The following NRXN1 variants were observed in gnomAD, a reference collection of about 807,000 sequenced individuals.
NRXN1 encodes neurexin 1.
In NRXN1, 39 loss-of-function variants were observed where a neutral mutation model predicts 150.9. That is an observed-to-expected ratio of 0.26 (90% CI 0.20 to 0.34). The LOEUF is 0.34. Ranked by LOEUF, NRXN1 falls within the 10% of genes least tolerant of loss-of-function variation. NRXN1 has a pLI of 1.00. For missense variants in NRXN1, 1,815 were observed against 1,949.9 expected (o/e 0.93, Z 1.30); for synonymous variants, 924 against 757.0 (o/e 1.22, Z -3.62).
At chr2:50,236,552 A>C (rs1468565756) in intron 18 of NRXN1, among the ~76,000 whole-genome samples, 1 of 149,100 alleles carries the variant, frequency 6.7e-6, no homozygotes, top group Non-Finnish European at 1.5e-5. Flanking sequence ...TATTTTGAAC[A>C]CAGAATTAAG....
intron 5 of NRXN1, among the ~76,000 whole-genome samples, chr2:50,801,020 T>C (rs922526841): frequency 1.3e-5 from 2 of 152,190 alleles, no homozygotes; most frequent in Non-Finnish European, 2.9e-5. Flanking sequence ...TTGAATGACT[T>C]CTATTAAACT....
chr2:50,618,531 G>A (rs528611632), intron 8 of NRXN1, among the ~76,000 whole-genome samples: 2 of 151,870 alleles, frequency 1.3e-5, no homozygotes, highest in African/African-American at 4.8e-5. Flanking sequence ...TTGCAAAAGG[G>A]CTCTTAACTA....
chr2:50,787,874 C>G (rs1224077017), intron 5 of NRXN1, among the ~76,000 whole-genome samples: 2 of 151,932 alleles, frequency 1.3e-5, no homozygotes, highest in Non-Finnish European at 2.9e-5. Context: ...ATTGCCAATT[C>G]TTCCATCTAA....
chr2:50,454,365 A>T (rs946851788), intron 17 of NRXN1, among the ~76,000 whole-genome samples: 2 of 152,028 alleles, frequency 1.3e-5, no homozygotes, highest in African/African-American at 2.4e-5. Context: ...TTAATATGAT[A>T]ATATACAAAT....
rs10706818 is a variant in NRXN1, at chr2:50,517,413, CTT to C, written c.2375-10798_2375-10797del. Among the ~76,000 whole-genome samples the C allele has an allele frequency of 7.0e-4, 107 of 151,912 alleles. 1 individual carries two copies. The highest frequency in any genetic ancestry group is 2.5e-3 in the African/African-American group (104 of 41,430). On this transcript the variant is annotated intron_variant, in intron 12 of 22. Transcript: ENST00000401669. ...GTTTATTTGTGTAAACTTTGTGGGA[CTT>C]TTTTTTAAATGGTAGATGAAATACC...
intron 5 of NRXN1, among the ~76,000 whole-genome samples, chr2:50,915,727 A>G (rs963648004): frequency 2.0e-5 from 3 of 151,362 alleles, no homozygotes; most frequent in East Asian, 2.0e-4. Flanking sequence ...TTGGCAGATT[A>G]CAGATCAATC....
At chr2:50,574,447 C>A (rs937882991) in intron 8 of NRXN1, among the ~76,000 whole-genome samples, 4 of 152,094 alleles carry the variant, frequency 2.6e-5, no homozygotes, top group Non-Finnish European at 5.9e-5. Context: ...AACGGTTCAG[C>A]ATATCTCTAA....
chr2:49,959,964 AT>A lies in NRXN1; in HGVS notation c.4129-16174del, dbSNP rs201274880. Among the ~76,000 whole-genome samples, 8 of 152,166 alleles carry A rather than the reference AT, an allele frequency of 5.3e-5. No homozygotes were observed. The East Asian group carries it at 1.2e-3, about 22-fold the overall frequency. ...AACAGTGCATGAAGAATGCAAATGT[AT>A]TTTTTTTCCTGAATGTTCTCTTTTG... On this transcript the variant is annotated intron_variant, in intron 21 of 22. Coordinates refer to ENST00000401669, the MANE Select transcript of NRXN1 (RefSeq NM_001330078.2).
intron 5 of NRXN1, among the ~76,000 whole-genome samples, chr2:50,724,522 T>A (rs1265432563): frequency 2.0e-5 from 3 of 152,164 alleles, no homozygotes; most frequent in Non-Finnish European, 1.5e-5. Context: ...ACCTGATGCA[T>A]ATTAATGAAT....
intron 18 of NRXN1, among the ~76,000 whole-genome samples, chr2:50,128,450 C>A (rs989519811): frequency 1.3e-5 from 2 of 152,038 alleles, no homozygotes; most frequent in African/African-American, 4.8e-5. Context: ...GAAGGGCCAC[C>A]TCATTACCTT....
At chr2:50,385,529 C>T (rs1288526343) in intron 17 of NRXN1, among the ~76,000 whole-genome samples, 1 of 152,166 alleles carries the variant, frequency 6.6e-6, no homozygotes, top group Non-Finnish European at 1.5e-5. Flanking sequence ...GTGGCTTACA[C>T]CTCAAACCAA....
chr2:50,431,640 A>T (rs1263282698), intron 17 of NRXN1, among the ~76,000 whole-genome samples: 1 of 152,236 alleles, frequency 6.6e-6, no homozygotes, highest in South Asian at 2.1e-4. Flanking sequence ...AAATGAAAAC[A>T]TAATTGTCCA....
chr2:50,661,757 C>T (rs530135430), intron 5 of NRXN1, among the ~76,000 whole-genome samples: 2 of 152,074 alleles, frequency 1.3e-5, no homozygotes, highest in Admixed American at 6.6e-5. Context: ...AAAAGGATTA[C>T]TACTTCTGAT....
At chr2:50,576,751 C>G (rs1404579941) in intron 8 of NRXN1, among the ~76,000 whole-genome samples, 2 of 152,006 alleles carry the variant, frequency 1.3e-5, no homozygotes, top group Non-Finnish European at 2.9e-5. Flanking sequence ...GATGGCAGCT[C>G]CTTTTTTAAA....
At chr2:50,239,033 G>A (rs1287203333) in intron 17 of NRXN1, among the ~76,000 whole-genome samples, 1 of 151,960 alleles carries the variant, frequency 6.6e-6, no homozygotes, top group East Asian at 1.9e-4. Context: ...AGAATATACA[G>A]AGTGTAGATC....
At chr2:50,176,692 T>C (rs2060372757) in intron 18 of NRXN1, among the ~76,000 whole-genome samples, 1 of 152,148 alleles carries the variant, frequency 6.6e-6, no homozygotes, top group Non-Finnish European at 1.5e-5. Flanking sequence ...GCCTTTTTCC[T>C]AAAGGTATTT....
At chr2:50,485,543 A>G (rs2090808327) in intron 15 of NRXN1, among the ~76,000 whole-genome samples, 2 of 152,220 alleles carry the variant, frequency 1.3e-5, no homozygotes, top group African/African-American at 4.8e-5. Context: ...AAAGAGGTCA[A>G]GATGGAATGG....
At chr2:49,977,872 T>G (rs1200119418) in intron 21 of NRXN1, among the ~76,000 whole-genome samples, 2 of 152,174 alleles carry the variant, frequency 1.3e-5, no homozygotes, top group Non-Finnish European at 2.9e-5. Context: ...TTTAAAGGTA[T>G]GGACAGAAAA....
chr2:50,097,489 A>T (rs1700377805), intron 18 of NRXN1, among the ~76,000 whole-genome samples: 2 of 152,204 alleles, frequency 1.3e-5, no homozygotes, highest in Non-Finnish European at 2.9e-5. Context: ...ACTAATCCTC[A>T]CCAGGGAGCA....
Sources: allele counts gnomAD v4.1 joint callset (sites outside exome capture counted in the v4.1 genomes callset), GRCh38; gene constraint gnomAD v4.1.1; transcripts MANE v1.5; gene names NCBI Gene and HGNC (gene_info 2026-07-23, HGNC 2026-07-21).